PTPRN2: variants seen among roughly 807,000 people sequenced by gnomAD.
PTPRN2 encodes the protein receptor-type tyrosine-protein phosphatase N2.
PTPRN2 carries 74 observed loss-of-function variants against 118.8 expected under a neutral mutation model. The observed-to-expected ratio is 0.62, with a 90% CI of 0.52 to 0.76. The LOEUF is 0.76. PTPRN2 is among the 30% of genes least tolerant of loss of function. The pLI is 0.00. For synonymous variants in PTPRN2, 641 were observed against 608.0 expected (o/e 1.05, Z -0.80); for missense variants, 1,481 against 1,394.4 (o/e 1.06, Z -0.99).
Position 157,598,509 on chromosome 7 carries a change from C to T in PTPRN2, c.2419-3194G>A, listed in dbSNP as rs1198083957. On this transcript the variant is annotated intron_variant, in intron 16 of 22. Transcript: ENST00000389418. The surrounding 1 kb of genome is among the most constrained non-coding windows in gnomAD (Gnocchi z 5.2). ...GAGCTTGGACGTCGGCGTCTCCGGG[C>T]CTCAGTCTCCATATCTGTATGGTGG... is the stretch of plus-strand genomic sequence containing the variant. Among the ~76,000 whole-genome samples the T allele has an allele frequency of 6.8e-6, 1 of 147,838 alleles. No homozygotes were observed. The highest frequency in any genetic ancestry group is 6.7e-5 in the Admixed American group (1 of 14,962).
chr7:158,227,611 T>C (rs1828890807), intron 3 of PTPRN2, among the ~76,000 whole-genome samples: 1 of 152,110 alleles, frequency 6.6e-6, no homozygotes, highest in African/African-American at 2.4e-5. Context: ...TATAAAAAAA[T>C]ACAGTGGCAC....
intron 11 of PTPRN2, among the ~76,000 whole-genome samples, chr7:157,980,479 C>A (rs565534059): frequency 6.6e-6 from 1 of 152,312 alleles, no homozygotes; most frequent in East Asian, 1.9e-4. Context: ...TGGCCGGGCA[C>A]GGTGGCTCAC....
intron 13 of PTPRN2, among the ~76,000 whole-genome samples, chr7:157,657,548 A>AAACG (rs2150744379): frequency 2.3e-5 from 2 of 86,404 alleles, no homozygotes; most frequent in Non-Finnish European, 4.9e-5. Flanking sequence ...ATACACACAC[A>AAACG]CCACACACAC....
intron 10 of PTPRN2, among the ~76,000 whole-genome samples, chr7:158,105,751 C>T (rs1367462323): frequency 6.6e-6 from 1 of 151,978 alleles, no homozygotes; most frequent in Non-Finnish European, 1.5e-5. Context: ...CATTGTATCT[C>T]CATCCAGTTC....
chr7:158,397,844 ACAAAT>A (rs1812642223), intron 2 of PTPRN2, among the ~76,000 whole-genome samples: 1 of 148,976 alleles, frequency 6.7e-6, no homozygotes, highest in South Asian at 2.2e-4. Context: ...GCAAAACAAA[ACAAAT>A]TGAAAAGCAC....
At position 157,560,353 on chromosome 7, in the gene PTPRN2, G is replaced by A. The variant is rs568308441; in HGVS notation, c.2902+8549C>T. ...GGATGGTGGGCAGTGCTGCCCACACGGATGCCCAGAGCGTGTTCCCCAAGA... is the reference window on the plus strand; with the variant it reads ...GGATGGTGGGCAGTGCTGCCCACACAGATGCCCAGAGCGTGTTCCCCAAGA... On this transcript the variant is annotated intron_variant, in intron 21 of 22. Transcript: ENST00000389418. The surrounding 1 kb of genome is among the most constrained non-coding windows in gnomAD (Gnocchi z 6.7). Among the ~76,000 whole-genome samples, 106 of 152,220 alleles carry A rather than the reference G, an allele frequency of 7.0e-4. No homozygotes were observed. The highest frequency in any genetic ancestry group is 1.2e-3 in the Non-Finnish European group (81 of 67,990).
chr7:157,743,641 G>A (rs528137760), intron 12 of PTPRN2, among the ~76,000 whole-genome samples: 2 of 150,502 alleles, frequency 1.3e-5, no homozygotes, highest in African/African-American at 2.5e-5. Context: ...AGCTATCTCC[G>A]GGTTGGCTGA....
intron 10 of PTPRN2, among the ~76,000 whole-genome samples, chr7:158,102,182 C>T (rs971246270): frequency 7.2e-5 from 11 of 152,184 alleles, no homozygotes; most frequent in African/African-American, 1.9e-4. Context: ...AGCAGCAGGG[C>T]GGCCAGGAGG....
At chr7:158,302,508 G>T (rs906449018) in intron 3 of PTPRN2, among the ~76,000 whole-genome samples, 1 of 152,166 alleles carries the variant, frequency 6.6e-6, no homozygotes, top group Non-Finnish European at 1.5e-5. Context: ...ACCTGTACGG[G>T]GGTTACCCCA....
At chr7:158,277,944 G>T (rs1799137585) in intron 3 of PTPRN2, among the ~76,000 whole-genome samples, 1 of 152,198 alleles carries the variant, frequency 6.6e-6, no homozygotes, top group African/African-American at 2.4e-5. Context: ...GCACACAAGG[G>T]GGGGATGGGA....
At chr7:157,934,266 G>A (rs921733921) in intron 11 of PTPRN2, among the ~76,000 whole-genome samples, 2 of 152,164 alleles carry the variant, frequency 1.3e-5, no homozygotes, top group Admixed American at 6.5e-5. Flanking sequence ...AATATCGGCC[G>A]CTCATTTTAG....
At chr7:157,848,342 G>A (rs553675487) in intron 12 of PTPRN2, among the ~76,000 whole-genome samples, 27 of 148,888 alleles carry the variant, frequency 1.8e-4, no homozygotes, top group Admixed American at 8.0e-4. Context: ...TCCCTCATGG[G>A]TGCAGTATGT....
At chr7:157,545,180 T>G (rs547839904) in intron 22 of PTPRN2, among the ~76,000 whole-genome samples, 27 of 125,346 alleles carry the variant, frequency 2.2e-4, no homozygotes, top group Middle Eastern at 0.013. Flanking sequence ...CTGAGTGGTG[T>G]TTGTGGGTGT....
At position 157,578,059 on chromosome 7, in the gene PTPRN2, A is replaced by G; in HGVS notation, c.2578T>C (p.Trp860Arg). ...TAGAGATTGGAGCCTTCATCCGGCC[A>G]GTAGTGGTAGCACTGCCGGACGCCG... ...ENGVRQCYHY[W>R]PDEGSNLYHI... Residue 860 changes from tryptophan (W) to arginine (R), a missense_variant, in exon 18 of 23, where the codon TGG becomes CGG. Physicochemically the swap from Trp to Arg is moderately radical, Grantham distance 101 (BLOSUM62 -3). This residue lies in a region of PTPRN2 where 362 missense variants were observed against 384.1 expected (regional missense o/e 0.94). Coordinates refer to ENST00000389418, the MANE Select transcript of PTPRN2 (RefSeq NM_002847.5). 1 of 1,613,606 alleles carries G rather than the reference A, an allele frequency of 6.2e-7. No individual in the cohort carries two copies. The highest frequency in any genetic ancestry group is 8.5e-7 in the Non-Finnish European group (1 of 1,179,660).
chr7:158,165,687 T>G (rs538452769), intron 6 of PTPRN2, among the ~76,000 whole-genome samples: 13 of 152,350 alleles, frequency 8.5e-5, no homozygotes, highest in African/African-American at 3.1e-4. Flanking sequence ...GAAATTTTAG[T>G]ATTTGTTATC....
chr7:157,877,468 T>G (rs1795845081), intron 12 of PTPRN2, among the ~76,000 whole-genome samples: 1 of 148,376 alleles, frequency 6.7e-6, no homozygotes, highest in Non-Finnish European at 1.5e-5. Context: ...GGACCCCAGA[T>G]CTGAGTGCAG....
intron 15 of PTPRN2, among the ~76,000 whole-genome samples, chr7:157,606,837 T>C (rs978974866): frequency 2.0e-5 from 3 of 152,248 alleles, no homozygotes; most frequent in African/African-American, 7.2e-5. Context: ...GTGTTTTAAC[T>C]GATTGAACTA....
At chr7:158,405,913 G>A (rs371175023) in intron 2 of PTPRN2, among the ~76,000 whole-genome samples, 5 of 142,414 alleles carry the variant, frequency 3.5e-5, no homozygotes, top group Middle Eastern at 4.3e-3. Context: ...TGGCTCATCC[G>A]TGAGACACGT....
intron 12 of PTPRN2, among the ~76,000 whole-genome samples, chr7:157,772,057 TACAC>T (rs892512843): frequency 5.4e-5 from 7 of 129,074 alleles, no homozygotes; most frequent in Admixed American, 2.4e-4. Flanking sequence ...CACATAGAAA[TACAC>T]ACAGATACAC....
Sources: allele counts gnomAD v4.1 joint callset (sites outside exome capture counted in the v4.1 genomes callset), GRCh38; gene constraint gnomAD v4.1.1; regional missense constraint gnomAD v4.1.1; non-coding constraint Gnocchi (gnomAD v3.1); transcripts MANE v1.5; gene names NCBI Gene and HGNC (gene_info 2026-07-23, HGNC 2026-07-21).